The following UNC13C variants were observed in gnomAD, a reference collection of about 807,000 sequenced individuals.
The protein encoded by UNC13C is unc-13 homolog C, also known as protein unc-13 homolog C.
Under a neutral mutation model 245.4 loss-of-function variants are expected in UNC13C, and 174 were observed. The ratio of observed to expected loss-of-function variants is 0.71; its 90% CI spans 0.63 to 0.80. The LOEUF (loss-of-function observed/expected upper bound fraction) is 0.80, where lower values mean the gene tolerates loss of function less well. Ranked by LOEUF, UNC13C falls within the 30% of genes least tolerant of loss-of-function variation. The pLI, the probability that UNC13C is intolerant of heterozygous loss-of-function variation, is 0.00. For missense variants in UNC13C, 2,829 were observed against 2,602.9 expected (o/e 1.09, Z -1.89); for synonymous variants, 992 against 895.1 (o/e 1.11, Z -1.93).
At chr15:53,965,211 A>G in the UNC13C span, among the ~76,000 whole-genome samples, 1 of 152,148 alleles carries the variant, frequency 6.6e-6, no homozygotes, top group Non-Finnish European at 1.5e-5. Flanking sequence ...ATTATAATGA[A>G]CACTTACGTG....
intron 2 of UNC13C, among the ~76,000 whole-genome samples, chr15:54,022,116 A>G (rs1041263871): frequency 6.6e-6 from 1 of 152,312 alleles, no homozygotes; most frequent in South Asian, 2.1e-4. Context: ...TTGGTAGATC[A>G]TATTTTCTAG....
chr15:54,610,559 CTAGG>C (rs1455479509), intron 30 of UNC13C, among the ~76,000 whole-genome samples: 2 of 152,092 alleles, frequency 1.3e-5, no homozygotes, highest in African/African-American at 4.8e-5. Context: ...ATAGAAATTG[CTAGG>C]TAAACAGGGA....
intron 2 of UNC13C, among the ~76,000 whole-genome samples, chr15:54,061,429 C>T (rs986209211): frequency 6.6e-6 from 1 of 152,134 alleles, no homozygotes; most frequent in Non-Finnish European, 1.5e-5. Flanking sequence ...TGGAAGCTTG[C>T]CTCCTTTTTT....
the UNC13C span, among the ~76,000 whole-genome samples, chr15:53,960,198 C>A: frequency 2.0e-5 from 3 of 152,136 alleles, no homozygotes; most frequent in African/African-American, 7.2e-5. Context: ...ATTGTCACCA[C>A]AGGCAATATG....
intron 19 of UNC13C, among the ~76,000 whole-genome samples, chr15:54,490,678 C>T (rs1893659498): frequency 6.7e-6 from 1 of 150,068 alleles, no homozygotes; most frequent in Non-Finnish European, 1.5e-5. Context: ...TTTTTAATGG[C>T]ATGGCATAAA....
intron 4 of UNC13C, among the ~76,000 whole-genome samples, chr15:54,206,653 C>A (rs2034722217): frequency 6.6e-6 from 1 of 152,068 alleles, no homozygotes; most frequent in Admixed American, 6.6e-5. Context: ...GGATATAGCT[C>A]TATCTAAACC....
intron 2 of UNC13C, among the ~76,000 whole-genome samples, chr15:54,047,211 G>C (rs1379884651): frequency 2.6e-5 from 4 of 152,042 alleles, no homozygotes; most frequent in Non-Finnish European, 4.4e-5. Flanking sequence ...GGAGTGAGGA[G>C]AAGCCTTCTT....
At chr15:54,594,723 G>C (rs990593366) in intron 30 of UNC13C, among the ~76,000 whole-genome samples, 1 of 152,150 alleles carries the variant, frequency 6.6e-6, no homozygotes, top group Non-Finnish European at 1.5e-5. Context: ...AGGGCAAGTT[G>C]GGCTTGAAAA....
intron 2 of UNC13C, among the ~76,000 whole-genome samples, chr15:54,031,273 GAGTGCAGTGGCACGATCTCA>G (rs1235467207): frequency 6.6e-6 from 1 of 152,216 alleles, no homozygotes; most frequent in Admixed American, 6.5e-5. Context: ...GCCCAGGCTG[GAGTGCAGTGGCACGATCTCA>G]GCTCACTGCA....
chr15:54,516,990 G>C (rs1351820239), intron 24 of UNC13C, among the ~76,000 whole-genome samples: 1 of 152,034 alleles, frequency 6.6e-6, no homozygotes, highest in Middle Eastern at 3.2e-3. Context: ...GAATAGGATA[G>C]TCCCAAAATA....
At chr15:54,230,291 T>C (rs1246291543) in intron 4 of UNC13C, among the ~76,000 whole-genome samples, 1 of 152,118 alleles carries the variant, frequency 6.6e-6, no homozygotes, top group East Asian at 1.9e-4. Flanking sequence ...TTGTATCACT[T>C]GTGAGGTGAT....
chr15:53,905,344 T>C, the UNC13C span, among the ~76,000 whole-genome samples: 1 of 151,204 alleles, frequency 6.6e-6, no homozygotes, highest in Non-Finnish European at 1.5e-5. Flanking sequence ...GTATAAGATT[T>C]CATCTTTATA....
rs1173957111 is a variant in UNC13C, at chr15:53,986,398, G to A, written c.-257+7471G>A. Among the ~76,000 whole-genome samples, 3 of 152,110 alleles carry A rather than the reference G, an allele frequency of 2.0e-5. No homozygotes were observed. In the East Asian group the frequency reaches 5.8e-4, roughly 29 times the overall value. On this transcript the variant is annotated intron_variant, in intron 1 of 32. Transcript: ENST00000260323. The stretch of plus-strand genomic sequence containing the variant: ...TCTCTTAAGATACTTGACACTATAA[G>A]CCTGGATGAATTTCTCTTATAGTTG...
At chr15:54,338,832 TC>T (rs1049250182) in intron 17 of UNC13C, among the ~76,000 whole-genome samples, 30 of 152,146 alleles carry the variant, frequency 2.0e-4, no homozygotes, top group Non-Finnish European at 4.4e-5. Context: ...TCTATGTCCT[TC>T]CCCTAACTCA....
chr15:54,445,022 G>C (rs1020690380), intron 19 of UNC13C, among the ~76,000 whole-genome samples: 1 of 135,018 alleles, frequency 7.4e-6, no homozygotes, highest in Non-Finnish European at 1.5e-5. Flanking sequence ...GTGTCCAAGT[G>C]TTCACATTGT....
In UNC13C at chr15:54,061,583, A is replaced by G. The variant is rs145800851; in HGVS notation, c.2983+45697A>G. ...ACCTTGGAATCTTACCTCCCTTGTC[A>G]GCATAATGGTACAGCAAGCCCTTTT... On this transcript the variant is annotated intron_variant, in intron 2 of 32. Coordinates refer to ENST00000260323, the MANE Select transcript of UNC13C (RefSeq NM_001080534.3). Among the ~76,000 whole-genome samples, 372 of 152,292 alleles carry G rather than the reference A, an allele frequency of 2.4e-3. 4 individuals are homozygous for G. The highest frequency in any genetic ancestry group is 8.7e-3 in the African/African-American group (362 of 41,568).
intron 2 of UNC13C, among the ~76,000 whole-genome samples, chr15:54,055,079 G>T (rs1566977984): frequency 6.6e-6 from 1 of 152,124 alleles, no homozygotes; most frequent in Non-Finnish European, 1.5e-5. Context: ...TGATCATGCT[G>T]CTTGTTATAT....
At chr15:53,999,734 G>A (rs903299485) in intron 1 of UNC13C, among the ~76,000 whole-genome samples, 1 of 151,862 alleles carries the variant, frequency 6.6e-6, no homozygotes, top group African/African-American at 2.4e-5. Context: ...ATTTTGGTAT[G>A]TTGTTTTTTT....
intron 2 of UNC13C, among the ~76,000 whole-genome samples, chr15:54,074,796 A>T (rs1566992702): frequency 6.6e-6 from 1 of 152,156 alleles, no homozygotes; most frequent in South Asian, 2.1e-4. Flanking sequence ...GGGGTTTTCT[A>T]TATATTCAAT....
Sources: allele counts gnomAD v4.1 joint callset (sites outside exome capture counted in the v4.1 genomes callset), GRCh38; gene constraint gnomAD v4.1.1; transcripts MANE v1.5; gene names NCBI Gene and HGNC (gene_info 2026-07-23, HGNC 2026-07-21).